PCDHGA1: variants seen among roughly 807,000 people sequenced by gnomAD.
PCDHGA1 encodes protocadherin gamma-A1.
In PCDHGA1, 32 loss-of-function variants were observed where a neutral mutation model predicts 58.0. That is an observed-to-expected ratio of 0.55 (90% confidence interval 0.42 to 0.74). The LOEUF (loss-of-function observed/expected upper bound fraction) is 0.74, where lower values mean the gene tolerates loss of function less well. Among genes scored for constraint, PCDHGA1 ranks in the 30% least tolerant of loss-of-function variants. The pLI, the probability that PCDHGA1 is intolerant of heterozygous loss-of-function variation, is 0.00. For synonymous variants in PCDHGA1, 498 were observed against 501.1 expected (o/e 0.99, Z 0.08); for missense variants, 1,205 against 1,182.3 (o/e 1.02, Z -0.28).
At chr5:141,343,506 C>G (rs925556999) in intron 1 of PCDHGA1, among the ~76,000 whole-genome samples, 3 of 152,098 alleles carry the variant, frequency 2.0e-5, no homozygotes, top group Non-Finnish European at 4.4e-5. Context: ...TTGTGTTGGT[C>G]CTTACGGCCA....
intron 1 of PCDHGA1, chr5:141,364,398 T>TG: frequency 6.2e-6 from 10 of 1,605,684 alleles, no homozygotes; most frequent in Non-Finnish European, 7.7e-6. Flanking sequence ...CTGGGGACGC[T>TG]GTGCGAGCCA....
rs764434052 is a variant in PCDHGA1, at chr5:141,431,792, C to T, written c.2422-63015C>T. ...TGTTCTGGACGTGAACGACAATGCC[C>T]CAGAAGTGGTCCTCACCTCTCTCGC... is the stretch of plus-strand genomic sequence containing the variant. On this transcript the variant is annotated intron_variant, in intron 1 of 3. Transcript: ENST00000517417. This position sits in a 1 kb window ranked among gnomAD's most constrained non-coding sequence, Gnocchi z 4.8. The T allele has an allele frequency of 3.7e-6, 6 of 1,614,234 alleles. No homozygotes were observed. The South Asian group carries it at 6.6e-5, about 18-fold the overall frequency.
Position 141,486,006 on chromosome 5 carries a change from C to G in PCDHGA1, c.2422-8801C>G, listed in dbSNP as rs1394484191. The G allele has an allele frequency of 1.9e-6, 3 of 1,614,190 alleles. No individual in the cohort carries two copies. The highest frequency in any genetic ancestry group is 1.1e-5 in the South Asian group (1 of 91,084). On this transcript the variant is annotated intron_variant, in intron 1 of 3. Transcript: ENST00000517417. The surrounding 1 kb of genome is among the most constrained non-coding windows in gnomAD (Gnocchi z 5.0). Reference sequence around the variant, plus strand: ...GACCTGGGTCCCAGTGGTAACGTCACCTTTTATTTCAGTGGTCATACCCCT... The same window carrying G: ...GACCTGGGTCCCAGTGGTAACGTCAGCTTTTATTTCAGTGGTCATACCCCT...
intron 1 of PCDHGA1, among the ~76,000 whole-genome samples, chr5:141,468,952 G>GTT (rs34870721): frequency 3.3e-5 from 5 of 151,198 alleles, no homozygotes; most frequent in Admixed American, 6.6e-5. Flanking sequence ...TAAACCTGTG[G>GTT]TTTTTTTTAC....
At chr5:141,405,226 C>T (rs756970325) in intron 1 of PCDHGA1, 6 of 1,613,934 alleles carry the variant, frequency 3.7e-6, no homozygotes, top group Admixed American at 3.3e-5. Context: ...AGGAGTTCTC[C>T]CTCACCGCTG....
rs933089146 is a variant in PCDHGA1, at chr5:141,490,786, A to G, written c.2422-4021A>G. ...GTATGTCAACCCAGAGGATGGACGGATCTTTGCCCAGCGTACCTTTGACTA... is the reference window on the plus strand; with the variant it reads ...GTATGTCAACCCAGAGGATGGACGGGTCTTTGCCCAGCGTACCTTTGACTA... On this transcript the variant is annotated intron_variant, in intron 1 of 3. Coordinates refer to ENST00000517417, the MANE Select transcript of PCDHGA1 (RefSeq NM_018912.3). This position sits in a 1 kb window ranked among gnomAD's most constrained non-coding sequence, Gnocchi z 5.4. The G allele has an allele frequency of 1.9e-6, 3 of 1,614,056 alleles. No individual in the cohort carries two copies. The highest frequency in any genetic ancestry group is 1.7e-5 in the Admixed American group (1 of 60,016).
At chr5:141,355,270 G>A (rs1278856954) in intron 1 of PCDHGA1, 1 of 1,613,670 alleles carries the variant, frequency 6.2e-7, no homozygotes, top group Non-Finnish European at 8.5e-7. Flanking sequence ...GGGGGTTCTG[G>A]TGGAAATCAG....
intron 1 of PCDHGA1, chr5:141,427,831 G>T: frequency 7.1e-6 from 11 of 1,539,366 alleles, no homozygotes; most frequent in Non-Finnish European, 9.8e-6. Context: ...GTCGCGCAGC[G>T]TGCCTTCGAC....
chr5:141,393,815 C>T (rs2092850609), intron 1 of PCDHGA1: 1 of 1,613,922 alleles, frequency 6.2e-7, no homozygotes, highest in Non-Finnish European at 8.5e-7. Context: ...CCAAATTGCT[C>T]ATTTCGGTGG....
At chr5:141,442,701 A>AG (rs1388473196) in intron 1 of PCDHGA1, among the ~76,000 whole-genome samples, 5 of 152,258 alleles carry the variant, frequency 3.3e-5, no homozygotes, top group Non-Finnish European at 7.3e-5. Flanking sequence ...AGACAAGAGT[A>AG]TCAGACATGC....
chr5:141,375,217 G>A (rs758328831), intron 1 of PCDHGA1: 2 of 1,613,968 alleles, frequency 1.2e-6, no homozygotes, highest in South Asian at 2.2e-5. Context: ...ACTCTGGCCT[G>A]AATGGCCTGG....
At chr5:141,362,700 T>G in intron 1 of PCDHGA1, 6 of 1,033,758 alleles carry the variant, frequency 5.8e-6, no homozygotes, top group Non-Finnish European at 8.2e-6. Context: ...CTAACTGAAT[T>G]TTAAGTGTTT....
At chr5:141,373,221 T>C (rs1295527389) in intron 1 of PCDHGA1, among the ~76,000 whole-genome samples, 1 of 152,268 alleles carries the variant, frequency 6.6e-6, no homozygotes, top group Non-Finnish European at 1.5e-5. Flanking sequence ...TAATGTAACC[T>C]GTATATAATA....
At chr5:141,481,919 A>C (rs1488201177) in intron 1 of PCDHGA1, among the ~76,000 whole-genome samples, 1 of 151,214 alleles carries the variant, frequency 6.6e-6, no homozygotes, top group Non-Finnish European at 1.5e-5. Context: ...ATCTCAAAAA[A>C]AAAAAAAAAA....
rs62379205 is a variant in PCDHGA1, at chr5:141,491,971, T to G, written c.2422-2836T>G. On this transcript the variant is annotated intron_variant, in intron 1 of 3. Coordinates refer to ENST00000517417, the MANE Select transcript of PCDHGA1 (RefSeq NM_018912.3). This position sits in a 1 kb window ranked among gnomAD's most constrained non-coding sequence, Gnocchi z 6.9. ...CCTACACTCAAAAAAGGCCGGGGCC[T>G]CCTTCGAGCTTCCGGTGAATTTCGG... The G allele has an allele frequency of 3.6e-6, 3 of 831,948 alleles. No homozygotes were observed. Among genetic ancestry groups the G allele is most frequent in the Admixed American group, 3.7e-5 (1 of 26,692 alleles). The allele number at this position is 831,948 out of a possible 1,614,324, so 51.5% of individuals were successfully genotyped here.
At chr5:141,364,871 G>A (rs775321480) in intron 1 of PCDHGA1, 2 of 1,614,010 alleles carry the variant, frequency 1.2e-6, no homozygotes, top group Admixed American at 1.7e-5. Flanking sequence ...CTTCTCTCTG[G>A]ATGTGGTAAG....
intron 1 of PCDHGA1, chr5:141,408,916 C>T (rs1379557230): frequency 6.8e-6 from 11 of 1,613,024 alleles, no homozygotes; most frequent in African/African-American, 2.7e-5. Flanking sequence ...CCAATGATAA[C>T]CCCCCGGTTT....
chr5:141,390,002 T>A (rs1263938438), intron 1 of PCDHGA1: 1 of 1,614,038 alleles, frequency 6.2e-7, no homozygotes, highest in East Asian at 2.2e-5. Context: ...TGGCCATGAT[T>A]CTGGCCATTG....
intron 1 of PCDHGA1, chr5:141,413,935 A>G: frequency 1.2e-6 from 2 of 1,613,372 alleles, no homozygotes; most frequent in Non-Finnish European, 1.7e-6. Flanking sequence ...ATACCGAGTG[A>G]GTGTTCCTGA....
Sources: allele counts gnomAD v4.1 joint callset (sites outside exome capture counted in the v4.1 genomes callset), GRCh38; gene constraint gnomAD v4.1.1; non-coding constraint Gnocchi (gnomAD v3.1); transcripts MANE v1.5; gene names NCBI Gene and HGNC (gene_info 2026-07-23, HGNC 2026-07-21).